The following UNC93A variants were observed in gnomAD, a reference collection of about 807,000 sequenced individuals.
UNC93A encodes the protein unc-93 homolog A, also known as N-acetylglucosamine transporter UNC93A.
In UNC93A, 43 loss-of-function variants were observed where a neutral mutation model predicts 47.5. The ratio of observed to expected loss-of-function variants is 0.91; its 90% CI spans 0.71 to 1.17. The LOEUF is 1.17. UNC93A is among the 50% of genes most tolerant of loss of function. The probability of loss-of-function intolerance (pLI) is 0.00; values close to 1 mark genes in which losing one functional copy is unlikely to be tolerated. For missense variants in UNC93A, 605 were observed against 577.6 expected (o/e 1.05, Z -0.49); for synonymous variants, 280 against 258.0 (o/e 1.09, Z -0.82).
Position 167,304,067 on chromosome 6 carries a change from C to T in UNC93A, c.774C>T (p.Cys258=), listed in dbSNP as rs1321269994. Reference sequence around the variant, plus strand: ...AGCTATATAGAGATAAACGTCTGTGCCTCTTAATTCTGCTGCCGCTGTACA... The same window carrying T: ...AGCTATATAGAGATAAACGTCTGTGTCTCTTAATTCTGCTGCCGCTGTACA... ...TFKLYRDKRL[C]LLILLPLYSG... Residue 258 remains cysteine (C), a synonymous_variant, in exon 5 of 8, where the codon TGC becomes TGT. Coordinates refer to ENST00000230256, the MANE Select transcript of UNC93A (RefSeq NM_018974.4). The T allele has an allele frequency of 1.2e-6, 2 of 1,614,120 alleles. No individual in the cohort carries two copies. The highest frequency in any genetic ancestry group is 1.7e-6 in the Non-Finnish European group (2 of 1,180,026).
intron 1 of UNC93A, among the ~76,000 whole-genome samples, chr6:167,275,190 C>A (rs1783518998): frequency 6.6e-6 from 1 of 152,168 alleles, no homozygotes; most frequent in Non-Finnish European, 1.5e-5. Context: ...TGCCTGGTTG[C>A]CTGCGAAACT....
exon 1 of UNC93A, chr6:167,271,246 G>A (rs111518802): frequency 0.016 from 2,437 of 151,836 alleles, 43 homozygotes; most frequent in East Asian, 0.063. Context: ...GGAGTCATTA[G>A]GCAGCAAGGG....
chr6:167,276,059 C>CTTTTTT lies in UNC93A; in HGVS notation c.-52+4605_-52+4606insTTTTTT, dbSNP rs112367150. Among the ~76,000 whole-genome samples, 43 of 132,316 alleles carry CTTTTTT rather than the reference C, an allele frequency of 3.2e-4. 2 individuals are homozygous for CTTTTTT. The highest frequency in any genetic ancestry group is 4.2e-4 in the Non-Finnish European group (27 of 63,698). 86.8% of individuals were successfully genotyped at this position (132,316 alleles called of 152,430 possible). The stretch of plus-strand genomic sequence containing the variant: ...CTCTATGAGATCATTTTTTTCTTTT[C>CTTTTTT]TTTTCTTTTTTTTTTTTTAGCTCAC... On this transcript the variant is annotated intron_variant, in intron 1 of 3. Transcript: ENST00000503433.
At chr6:167,286,471 G>A (rs1357457723), upstream of UNC93A, among the ~76,000 whole-genome samples, 4 of 152,220 alleles carry the variant, frequency 2.6e-5, no homozygotes, top group South Asian at 2.1e-4. Flanking sequence ...GAAGCCACGC[G>A]CTGCAATAGC....
intron 1 of UNC93A, among the ~76,000 whole-genome samples, chr6:167,274,143 G>A (rs963034390): frequency 1.4e-4 from 21 of 152,120 alleles, no homozygotes; most frequent in East Asian, 3.9e-4. Flanking sequence ...GTGAAGTTAC[G>A]CCAGAGTAAG....
At chr6:167,281,531 A>T (rs1001703536) in intron 1 of UNC93A, among the ~76,000 whole-genome samples, 1 of 152,188 alleles carries the variant, frequency 6.6e-6, no homozygotes, top group African/African-American at 2.4e-5. Context: ...AGTGAGTTTT[A>T]GATGCACGTG....
chr6:167,283,838 A>G (rs960292134), intron 1 of UNC93A, among the ~76,000 whole-genome samples: 5 of 152,334 alleles, frequency 3.3e-5, no homozygotes, highest in East Asian at 1.9e-4. Context: ...ACCAGCATCA[A>G]TAACAACTTA....
Position 167,291,520 on chromosome 6 carries a change from G to A in UNC93A, c.31G>A (p.Val11Ile), listed in dbSNP as rs1192971058. Residue 11 changes from valine to isoleucine, a missense_variant, in exon 1 of 8, where the codon GTT becomes ATT. Physicochemically the swap from Val to Ile is conservative, Grantham distance 29. Transcript: ENST00000230256. ...CAGAAGTCTAAGGAACGTCCTTGTG[G>A]TTTCCTTTGGGTTCCTGCTTCTCTT... MDRSLRNVLV[V>I]SFGFLLLFTA... The A allele has an allele frequency of 2.5e-6, 4 of 1,613,890 alleles. No individual in the cohort carries two copies. Among genetic ancestry groups the A allele is most frequent in the South Asian group, 2.2e-5 (2 of 90,980 alleles).
chr6:167,272,247 C>T (rs975775511), intron 1 of UNC93A, among the ~76,000 whole-genome samples: 12 of 152,206 alleles, frequency 7.9e-5, no homozygotes, highest in African/African-American at 2.2e-4. Flanking sequence ...CACAGGGCAT[C>T]GAGAATGTTC....
intron 2 of UNC93A, 133 bp downstream of exon 2, chr6:167,294,831 C>T: frequency 1.0e-6 from 1 of 986,160 alleles, no homozygotes; most frequent in Non-Finnish European, 1.5e-6. Context: ...TCTCCTGCCC[C>T]TGCACCCCCG....
chr6:167,270,570 G>A (rs915075291), upstream of UNC93A, among the ~76,000 whole-genome samples: 8 of 152,204 alleles, frequency 5.3e-5, no homozygotes, highest in Middle Eastern at 3.4e-3. Context: ...TGCATCCCCC[G>A]GAAAGGTATG....
chr6:167,307,640 T>C, intron 6 of UNC93A, 139 bp from the exon 7 acceptor site: 3 of 1,038,556 alleles, frequency 2.9e-6, no homozygotes, highest in Non-Finnish European at 2.8e-6. Flanking sequence ...GTTGAGATGG[T>C]TGAGATGGTT....
upstream of UNC93A, among the ~76,000 whole-genome samples, chr6:167,269,098 T>C (rs1316660755): frequency 1.3e-5 from 2 of 152,006 alleles, no homozygotes; most frequent in South Asian, 4.1e-4. Flanking sequence ...GAGAGAGGAA[T>C]GTGTGGGCAG....
intron 4 of UNC93A, among the ~76,000 whole-genome samples, chr6:167,303,055 G>A (rs540311962): frequency 7.9e-5 from 12 of 152,142 alleles, no homozygotes; most frequent in South Asian, 4.2e-4. Context: ...TACATGTAGA[G>A]TCTGACACCA....
chr6:167,315,592 T>C lies in UNC93A; in HGVS notation c.*140T>C. On this transcript the variant is annotated 3_prime_UTR_variant, in exon 8 of 8. Coordinates refer to ENST00000230256, the MANE Select transcript of UNC93A (RefSeq NM_018974.4). ...TTCTGAAGAGATCATGTTATTTCAC[T>C]CTTCATGTATTTTTTTTCTATTCTA... 8.5e-7 allele frequency: 1 copy of C among 1,177,270 alleles called. No individual in the cohort carries two copies. Among genetic ancestry groups the C allele is most frequent in the South Asian group, 1.6e-5 (1 of 62,320 alleles). 72.9% of individuals were successfully genotyped at this position (1,177,270 alleles called of 1,614,324 possible).
rs770895914 is a variant in UNC93A, at chr6:167,315,263, C to T, written c.1185C>T (p.Phe395=). ...ANYRLWEALG[F]VIAFGYSMFL... is the part of the protein sequence containing the mutation. ...ACCGCCTGTGGGAGGCCCTGGGCTT[C>T]GTCATTGCCTTCGGGTACAGCATGT... The change falls in exon 8 of 8, where the codon TTC becomes TTT. Residue 395 remains phenylalanine (F), a synonymous_variant. Transcript: ENST00000230256. The T allele has an allele frequency of 5.6e-5, 90 of 1,613,558 alleles. No individual in the cohort carries two copies. The highest frequency in any genetic ancestry group is 6.6e-5 in the Non-Finnish European group (78 of 1,179,852).
chr6:167,304,059 CG>C lies in UNC93A; in HGVS notation c.767del (p.Arg256LeufsTer5), dbSNP rs1237285001. 1 of 1,613,936 alleles carries C rather than the reference CG, an allele frequency of 6.2e-7. No individual in the cohort carries two copies. The highest frequency in any genetic ancestry group is 8.5e-7 in the Non-Finnish European group (1 of 1,180,032). ...GACTTTCAAGCTATATAGAGATAAA[CG>C]TCTGTGCCTCTTAATTCTGCTGCCG... ...LSTFKLYRDK[R>X]LCLLILLPLY... On this transcript the variant is annotated frameshift_variant, in exon 5 of 8. Transcript: ENST00000230256. LOFTEE classifies it high-confidence loss of function.
intron 7 of UNC93A, among the ~76,000 whole-genome samples, chr6:167,311,735 TA>T (rs1778559105): frequency 6.6e-6 from 1 of 152,288 alleles, no homozygotes; most frequent in African/African-American, 2.4e-5. Flanking sequence ...TTTGTCTTTC[TA>T]AATACAGCTT....
intron 4 of UNC93A, among the ~76,000 whole-genome samples, chr6:167,301,496 G>A (rs1424663483): frequency 6.6e-6 from 1 of 152,146 alleles, no homozygotes; most frequent in African/African-American, 2.4e-5. Flanking sequence ...ACTTTCCTGG[G>A]TTTCTGAGCA....
Sources: allele counts gnomAD v4.1 joint callset (sites outside exome capture counted in the v4.1 genomes callset), GRCh38; gene constraint gnomAD v4.1.1; transcripts MANE v1.5; gene names NCBI Gene and HGNC (gene_info 2026-07-23, HGNC 2026-07-21).